Variants in SORBS2 observed in about 807,000 individuals in gnomAD.
SORBS2 encodes the protein sorbin and SH3 domain containing 2, also known as sorbin and SH3 domain-containing protein 2.
In SORBS2, 46 loss-of-function variants were observed where a neutral mutation model predicts 97.7. That is an observed-to-expected ratio of 0.47 (90% CI 0.37 to 0.60). SORBS2 has a LOEUF of 0.60. SORBS2 is among the 20% of genes least tolerant of loss of function. The pLI is 0.00. For synonymous variants in SORBS2, 476 were observed against 473.4 expected (o/e 1.01, Z -0.07); for missense variants, 1,316 against 1,282.3 (o/e 1.03, Z -0.40).
intron 1 of SORBS2, chr4:185,811,675 T>C (rs1253043462): frequency 6.6e-6 from 1 of 152,264 alleles, no homozygotes; most frequent in African/African-American, 2.4e-5. Context: ...TCTGTCAGTG[T>C]ACTGGGACGC....
chr4:185,911,187 T>C (rs911114198), intron 1 of SORBS2, among the ~76,000 whole-genome samples: 1 of 152,114 alleles, frequency 6.6e-6, no homozygotes, highest in African/African-American at 2.4e-5. Context: ...ACTTATCTCA[T>C]ATGTCTGATA....
chr4:185,627,604 C>T (rs1318103413), intron 5 of SORBS2, among the ~76,000 whole-genome samples: 2 of 152,184 alleles, frequency 1.3e-5, no homozygotes, highest in Non-Finnish European at 1.5e-5. Context: ...TTTCCTCTTG[C>T]ACAGTTTCCC....
At chr4:185,586,001 G>A (rs2095797178) in exon 15 of SORBS2, 2 of 152,614 alleles carry the variant, frequency 1.3e-5, no homozygotes, top group African/African-American at 4.8e-5. Flanking sequence ...TGTGAGATAA[G>A]GAGAGGCTAG....
intron 8 of SORBS2, among the ~76,000 whole-genome samples, 170 bp downstream of exon 20, chr4:185,619,893 T>G (rs1307557504): frequency 6.6e-6 from 1 of 152,156 alleles, no homozygotes; most frequent in East Asian, 1.9e-4. Flanking sequence ...TGTGGACTGC[T>G]TCTAGGGTCA....
chr4:185,855,550 T>G (rs1394444046), intron 1 of SORBS2, among the ~76,000 whole-genome samples: 1 of 152,172 alleles, frequency 6.6e-6, no homozygotes, highest in Non-Finnish European at 1.5e-5. Flanking sequence ...TTTCCTTAAG[T>G]ACATTGATCT....
chr4:185,690,635 A>G, intron 2 of SORBS2, 24 bp from the exon 4 acceptor site: 6 of 1,046,796 alleles, frequency 5.7e-6, no homozygotes, highest in Non-Finnish European at 8.4e-6. Context: ...ATGGTGCATA[A>G]TTGTTCACTA....
chr4:185,715,302 T>C (rs1299187533), intron 2 of SORBS2, among the ~76,000 whole-genome samples: 2 of 152,214 alleles, frequency 1.3e-5, no homozygotes, highest in African/African-American at 2.4e-5. Context: ...AAATTCCTTC[T>C]ATTTTGATAT....
rs1158357434 is a variant in SORBS2, at chr4:185,620,291, C to T, written c.2216-140G>A. On this transcript the variant is annotated intron_variant, in intron 7 of 14. Transcript: ENST00000418609. ...TTATCGAACACATGGGCATAAAACT[C>T]ATAGTTCATTACAAAGTTGTGAAAT... The T allele has an allele frequency of 1.8e-5, 12 of 655,234 alleles. No individual in the cohort carries two copies. The East Asian group carries it at 3.1e-4, about 17-fold the overall frequency. The allele number at this position is 655,234 out of a possible 1,614,324, so 40.6% of individuals were successfully genotyped here.
chr4:185,946,047 T>C (rs1277472008), intron 1 of SORBS2, among the ~76,000 whole-genome samples: 1 of 152,176 alleles, frequency 6.6e-6, no homozygotes, highest in African/African-American at 2.4e-5. Context: ...GGGCTATCTT[T>C]AAAAAGTTTA....
chr4:185,860,606 G>A (rs1240274067), intron 1 of SORBS2, among the ~76,000 whole-genome samples: 3 of 152,160 alleles, frequency 2.0e-5, no homozygotes, highest in African/African-American at 4.8e-5. Flanking sequence ...GCCTCAGGGG[G>A]TCCTGAGGAC....
intron 1 of SORBS2, among the ~76,000 whole-genome samples, chr4:185,784,316 G>A (rs2099045977): frequency 6.6e-6 from 1 of 152,122 alleles, no homozygotes; most frequent in Admixed American, 6.5e-5. Context: ...TATTTTAGTA[G>A]AGACGGCATT....
chr4:185,763,324 A>G (rs367713976), intron 2 of SORBS2, among the ~76,000 whole-genome samples: 1 of 152,184 alleles, frequency 6.6e-6, no homozygotes, highest in Non-Finnish European at 1.5e-5. Flanking sequence ...CATGATTCCT[A>G]TGGGCAAGGA....
chr4:185,730,322 T>G (rs1273021974), intron 2 of SORBS2, among the ~76,000 whole-genome samples: 4 of 151,624 alleles, frequency 2.6e-5, no homozygotes, highest in Non-Finnish European at 1.5e-5. Context: ...TTTTTTTTTT[T>G]TTTTTTGGAA....
intron 1 of SORBS2, among the ~76,000 whole-genome samples, chr4:185,796,459 G>A (rs942609275): frequency 1.4e-5 from 2 of 146,630 alleles, no homozygotes; most frequent in African/African-American, 5.1e-5. Context: ...ATGCCTGGGC[G>A]CTGTGGCCAC....
chr4:185,680,173 G>T (rs1381849262), intron 2 of SORBS2, among the ~76,000 whole-genome samples: 3 of 152,044 alleles, frequency 2.0e-5, no homozygotes, highest in Non-Finnish European at 2.9e-5. Context: ...ACAATTTTTT[G>T]ATTTTTATTT....
At chr4:185,887,958 A>ATG (rs745472775) in intron 1 of SORBS2, among the ~76,000 whole-genome samples, 6,867 of 148,996 alleles carry the variant, frequency 0.046, 430 homozygotes, top group African/African-American at 0.15. Context: ...TAGTATATAT[A>ATG]TATGTGTGTG....
Position 185,607,003 on chromosome 4 carries a change from G to C in SORBS2, c.2796+4777C>G. ...ATCCTGAAGAGGCTCTGCATGGTAA[G>C]GCTGGGCTGCAGCCGAGGCCACACC... On this transcript the variant is annotated intron_variant, in intron 12 of 14. Transcript: ENST00000418609. The surrounding 1 kb of genome is among the most constrained non-coding windows in gnomAD (Gnocchi z 5.2). The C allele has an allele frequency of 2.4e-5, 24 of 1,007,480 alleles. No homozygotes were observed. Among genetic ancestry groups the C allele is most frequent in the Non-Finnish European group, 2.8e-5 (24 of 843,118 alleles). 62.4% of individuals were successfully genotyped at this position (1,007,480 alleles called of 1,614,324 possible). A position where few individuals can be genotyped will look rare whatever the true frequency, so the allele number is the denominator to read the frequency against.
intron 1 of SORBS2, among the ~76,000 whole-genome samples, chr4:185,818,351 GGC>G (rs2099194598): frequency 6.6e-6 from 1 of 152,034 alleles, no homozygotes; most frequent in African/African-American, 2.4e-5. Flanking sequence ...CACCACACCA[GGC>G]TAATTTTTTG....
chr4:185,878,692 G>A (rs1007012211), intron 1 of SORBS2, among the ~76,000 whole-genome samples: 1 of 152,098 alleles, frequency 6.6e-6, no homozygotes, highest in African/African-American at 2.4e-5. Context: ...CTTCTGCATT[G>A]CGCTTTCCAC....
Sources: gnomAD v4.1 joint callset for allele counts (sites outside exome capture counted in the v4.1 genomes callset) on GRCh38, gnomAD v4.1.1 for gene constraint, Gnocchi (gnomAD v3.1) non-coding constraint, MANE v1.5 for transcripts, NCBI Gene and HGNC (gene_info 2026-07-23, HGNC 2026-07-21) for gene names.